The following IMMP2L variants were observed in gnomAD, a reference collection of about 807,000 sequenced individuals.
IMMP2L encodes mitochondrial inner membrane protease subunit 2.
IMMP2L carries 18 observed loss-of-function variants against 19.3 expected under a neutral mutation model. That is an observed-to-expected ratio of 0.93 (90% CI 0.64 to 1.38). The LOEUF is 1.38. Ranked by LOEUF, IMMP2L falls within the 40% of genes most tolerant of loss-of-function variation. The pLI, the probability that IMMP2L is intolerant of heterozygous loss-of-function variation, is 0.00. For missense variants in IMMP2L, 233 were observed against 218.2 expected (o/e 1.07, Z -0.43); for synonymous variants, 76 against 73.0 (o/e 1.04, Z -0.21).
chr7:111,038,222 T>G (rs1270963408), intron 3 of IMMP2L, among the ~76,000 whole-genome samples: 1 of 152,176 alleles, frequency 6.6e-6, no homozygotes, highest in Non-Finnish European at 1.5e-5. Context: ...AAGAATACAC[T>G]GATTTTTATT....
rs979925825 is a variant in IMMP2L at position 110,847,404 on chromosome 7, G to A, written c.408+39189C>T. On this transcript the variant is annotated intron_variant, in intron 5 of 5. Transcript: ENST00000405709. ...TATTTCTTTTAGCCTGATTATAATC[G>A]ATTTAATACACGCTCATTTGAGAAA... is the stretch of plus-strand genomic sequence containing the variant. 5.3e-5 allele frequency among the ~76,000 whole-genome samples: 8 copies of A among 151,968 alleles called. No individual in the cohort carries two copies. The East Asian group carries it at 9.6e-4, about 18-fold the overall frequency.
chr7:110,958,320 C>T (rs538739857), intron 4 of IMMP2L, among the ~76,000 whole-genome samples: 1 of 152,090 alleles, frequency 6.6e-6, no homozygotes, highest in Admixed American at 6.6e-5. Flanking sequence ...CCAATATTTC[C>T]ACTTTTAGCT....
intron 5 of IMMP2L, among the ~76,000 whole-genome samples, chr7:110,882,333 C>CT (rs755015388): frequency 6.2e-5 from 9 of 145,602 alleles, no homozygotes; most frequent in African/African-American, 2.0e-4. Flanking sequence ...TCCTTCCTTC[C>CT]TTCCTTCCCT....
Position 111,016,564 on chromosome 7 carries a change from A to G in IMMP2L, c.240-52999T>C, listed in dbSNP as rs561680855. Among the ~76,000 whole-genome samples the G allele has an allele frequency of 4.8e-4, 56 of 116,306 alleles. No individual in the cohort carries two copies. The South Asian group carries it at 5.1e-3, about 11-fold the overall frequency. 76.3% of individuals were successfully genotyped at this position (116,306 alleles called of 152,430 possible). ...TTATAATATATAGTATATATAATAT[A>G]TAATACATACATATACATATATGTA... On this transcript the variant is annotated intron_variant, in intron 3 of 5. Transcript: ENST00000405709.
chr7:111,165,515 CTATT>C (rs1394253765), intron 3 of IMMP2L, among the ~76,000 whole-genome samples: 3 of 151,916 alleles, frequency 2.0e-5, no homozygotes, highest in Non-Finnish European at 2.9e-5. Flanking sequence ...TCCACAGTGG[CTATT>C]TATTTTTTAA....
chr7:111,236,800 A>G (rs1814377335), intron 3 of IMMP2L, among the ~76,000 whole-genome samples: 1 of 152,096 alleles, frequency 6.6e-6, no homozygotes, highest in African/African-American at 2.4e-5. Flanking sequence ...CTCTCAAGGC[A>G]ATCAGCTGGT....
chr7:111,027,511 A>G (rs1162962566), intron 3 of IMMP2L, among the ~76,000 whole-genome samples: 1 of 151,994 alleles, frequency 6.6e-6, no homozygotes. Flanking sequence ...CACTAATTTT[A>G]TGTGAATGAA....
intron 3 of IMMP2L, chr7:111,483,736 A>G (rs577639686): frequency 6.6e-6 from 1 of 152,328 alleles, no homozygotes; most frequent in East Asian, 1.9e-4. Context: ...TTTCTGTAAC[A>G]TGAATTAACA....
intron 3 of IMMP2L, among the ~76,000 whole-genome samples, chr7:111,119,471 T>C (rs181918414): frequency 6.6e-6 from 1 of 152,314 alleles, no homozygotes; most frequent in Non-Finnish European, 1.5e-5. Flanking sequence ...ACTGGATAAA[T>C]TGAAGAATAA....
chr7:111,393,004 T>A, intron 3 of IMMP2L: 2 of 360,956 alleles, frequency 5.5e-6, no homozygotes, highest in South Asian at 2.1e-5. Flanking sequence ...CTGCATTACA[T>A]AAGCGTTATT....
intron 4 of IMMP2L, among the ~76,000 whole-genome samples, chr7:110,951,538 GGTGTGT>G (rs10598353): frequency 5.3e-5 from 8 of 149,740 alleles, no homozygotes; most frequent in East Asian, 2.0e-4. Flanking sequence ...ATGTATATAT[GGTGTGT>G]GTGTGTGTGT....
intron 3 of IMMP2L, among the ~76,000 whole-genome samples, chr7:111,164,349 G>A (rs1336192247): frequency 6.6e-6 from 1 of 151,476 alleles, no homozygotes; most frequent in Non-Finnish European, 1.5e-5. Flanking sequence ...AGAAAGACAA[G>A]TAAGCAGCAG....
chr7:111,386,356 G>C (rs1305654089), intron 3 of IMMP2L, among the ~76,000 whole-genome samples: 1 of 152,048 alleles, frequency 6.6e-6, no homozygotes, highest in East Asian at 1.9e-4. Context: ...GAATGTTTAA[G>C]ATAAGGCAAA....
intron 3 of IMMP2L, among the ~76,000 whole-genome samples, chr7:111,171,230 G>A (rs770532979): frequency 2.0e-5 from 3 of 151,532 alleles, no homozygotes; most frequent in Non-Finnish European, 4.4e-5. Context: ...AGAGAAAGAG[G>A]ATATGTGGTG....
intron 5 of IMMP2L, among the ~76,000 whole-genome samples, chr7:110,778,425 A>C (rs1799535311): frequency 6.6e-6 from 1 of 152,016 alleles, no homozygotes; most frequent in Non-Finnish European, 1.5e-5. Flanking sequence ...ATAATCTCTT[A>C]TGATGCACGT....
intron 3 of IMMP2L, among the ~76,000 whole-genome samples, chr7:111,379,456 G>C (rs1830993210): frequency 6.6e-6 from 1 of 151,656 alleles, no homozygotes; most frequent in African/African-American, 2.4e-5. Context: ...ATGGTGAAAT[G>C]AAATTTCATA....
intron 1 of IMMP2L, among the ~76,000 whole-genome samples, chr7:111,539,223 AAAGAAAGAAAG>A (rs1848271244): frequency 8.1e-6 from 1 of 123,680 alleles, no homozygotes; most frequent in Non-Finnish European, 1.7e-5. Context: ...AGAAAGAAAG[AAAGAAAGAAAG>A]AAAGAAAGAA....
intron 3 of IMMP2L, among the ~76,000 whole-genome samples, chr7:111,113,885 T>C (rs1014153188): frequency 6.6e-6 from 1 of 152,132 alleles, no homozygotes; most frequent in Non-Finnish European, 1.5e-5. Flanking sequence ...AACTAAATCA[T>C]AAGAATGAGC....
chr7:110,857,027 T>G (rs1296958658), intron 5 of IMMP2L, among the ~76,000 whole-genome samples: 5 of 152,106 alleles, frequency 3.3e-5, no homozygotes, highest in Admixed American at 3.3e-4. Flanking sequence ...CTGGGGAACA[T>G]CTAGCAGCTC....
Sources: gnomAD v4.1 joint callset for allele counts (sites outside exome capture counted in the v4.1 genomes callset) on GRCh38, gnomAD v4.1.1 for gene constraint, MANE v1.5 for transcripts, NCBI Gene and HGNC (gene_info 2026-07-23, HGNC 2026-07-21) for gene names.